ARFGEF2: variants seen among roughly 807,000 people sequenced by gnomAD.
ARFGEF2 encodes the protein ARF guanine nucleotide exchange factor 2, also known as brefeldin A-inhibited guanine nucleotide-exchange protein 2.
Under a neutral mutation model 219.9 loss-of-function variants are expected in ARFGEF2, and 74 were observed. That is an observed-to-expected ratio of 0.34 (90% CI 0.28 to 0.41). The LOEUF is 0.41. Among genes scored for constraint, ARFGEF2 ranks in the 10% least tolerant of loss-of-function variants. ARFGEF2 has a pLI of 1.00. For synonymous variants in ARFGEF2, 733 were observed against 799.2 expected (o/e 0.92, Z 1.40); for missense variants, 1,743 against 2,218.3 (o/e 0.79, Z 4.30).
chr20:49,007,616 T>TA (rs1014392529), intron 26 of ARFGEF2, among the ~76,000 whole-genome samples: 8 of 147,744 alleles, frequency 5.4e-5, no homozygotes, highest in African/African-American at 2.0e-4. Flanking sequence ...TTTTTTTTTT[T>TA]AAGAAAATGG....
Position 48,985,684 on chromosome 20 carries a change from T to C in ARFGEF2, c.2276+71T>C, listed in dbSNP as rs114778274. On this transcript the variant is annotated intron_variant, in intron 16 of 38. Transcript: ENST00000371917. ...CTCAGAACGCTAATTCTAATTTGGT[T>C]GGGGTTTAATCTTTGTATATCTGTG... is the stretch of plus-strand genomic sequence containing the variant. 202 of 1,515,092 alleles carry C rather than the reference T, an allele frequency of 1.3e-4. No individual in the cohort carries two copies. In the African/African-American group the frequency reaches 2.4e-3, roughly 18 times the overall value. 93.9% of individuals were successfully genotyped at this position (1,515,092 alleles called of 1,614,324 possible).
In ARFGEF2 at chr20:48,970,287, C is replaced by T. The variant is rs191653097; in HGVS notation, c.1191-833C>T. 3.3e-3 allele frequency among the ~76,000 whole-genome samples: 493 copies of T among 147,796 alleles called. 5 individuals are homozygous for T. Among genetic ancestry groups the T allele is most frequent in the Middle Eastern group, 0.016 (4 of 252 alleles). Reference sequence around the variant, plus strand: ...CTGAGATCGTGTCACTGAACTCTAGCCTGGGCAACAGAGCAACAATAAATT... The same window carrying T: ...CTGAGATCGTGTCACTGAACTCTAGTCTGGGCAACAGAGCAACAATAAATT... On this transcript the variant is annotated intron_variant, in intron 9 of 38. Coordinates refer to ENST00000371917, the MANE Select transcript of ARFGEF2 (RefSeq NM_006420.3).
intron 1 of ARFGEF2, among the ~76,000 whole-genome samples, chr20:48,938,980 GTTT>G (rs1381256978): frequency 7.5e-6 from 1 of 133,548 alleles, no homozygotes. Flanking sequence ...TTTTTTGTTT[GTTT>G]TTTTTTTTTT....
intron 3 of ARFGEF2, among the ~76,000 whole-genome samples, chr20:48,949,263 T>C (rs1156936307): frequency 6.6e-6 from 1 of 152,256 alleles, no homozygotes; most frequent in African/African-American, 2.4e-5. Flanking sequence ...TCCAGCCTGC[T>C]TTGTGGCATC....
intron 1 of ARFGEF2, among the ~76,000 whole-genome samples, chr20:48,940,927 G>A (rs1458339074): frequency 1.3e-5 from 2 of 152,172 alleles, no homozygotes; most frequent in Non-Finnish European, 2.9e-5. Context: ...TCCTCTAAAT[G>A]AGATGGATAT....
chr20:48,937,816 C>T (rs1254759899), intron 1 of ARFGEF2, among the ~76,000 whole-genome samples: 4 of 152,144 alleles, frequency 2.6e-5, no homozygotes, highest in African/African-American at 9.7e-5. Context: ...ATTCCAAAAC[C>T]AGGTTTTACC....
At chr20:48,925,553 T>C (rs746860611) in intron 1 of ARFGEF2, among the ~76,000 whole-genome samples, 1 of 152,194 alleles carries the variant, frequency 6.6e-6, no homozygotes, top group African/African-American at 2.4e-5. Flanking sequence ...AATTTATCTA[T>C]GGCTGGGCAC....
At chr20:48,933,896 T>A (rs1263499765) in intron 1 of ARFGEF2, among the ~76,000 whole-genome samples, 2 of 151,940 alleles carry the variant, frequency 1.3e-5, no homozygotes, top group African/African-American at 4.8e-5. Context: ...GAGGCGGGTG[T>A]GTCACCTGGG....
chr20:48,953,020 C>T, intron 5 of ARFGEF2, 136 bp downstream of exon 5: 3 of 932,940 alleles, frequency 3.2e-6, no homozygotes, highest in Non-Finnish European at 5.0e-6. Flanking sequence ...CTGTACTGTG[C>T]TTTTGTTCTT....
chr20:48,921,851 C>T lies in ARFGEF2; in HGVS notation c.-39C>T, dbSNP rs376690099. On this transcript the variant is annotated 5_prime_UTR_variant, in exon 1 of 39. Coordinates refer to ENST00000371917, the MANE Select transcript of ARFGEF2 (RefSeq NM_006420.3). ...CTAGCTCGCCATCTCGCTCACGCCG[C>T]CCGCCCGCGGGGCCGTCAGCCCCCG... 2.5e-4 allele frequency: 370 copies of T among 1,498,202 alleles called. 2 individuals carry two copies. The East Asian group carries it at 3.8e-3, about 15-fold the overall frequency. 92.8% of individuals were successfully genotyped at this position (1,498,202 alleles called of 1,614,324 possible). A position where few individuals can be genotyped will look rare whatever the true frequency, so the allele number is the denominator to read the frequency against.
At chr20:48,969,458 T>C (rs888721673) in intron 9 of ARFGEF2, among the ~76,000 whole-genome samples, 181 bp downstream of exon 9, 1 of 152,266 alleles carries the variant, frequency 6.6e-6, no homozygotes, top group Admixed American at 6.5e-5. Flanking sequence ...TCATATGGAA[T>C]TGTCTCTGTA....
At chr20:48,989,084 T>G (rs896307875) in intron 18 of ARFGEF2, among the ~76,000 whole-genome samples, 6 of 152,118 alleles carry the variant, frequency 3.9e-5, no homozygotes, top group African/African-American at 1.4e-4. Flanking sequence ...ACTTAGTAAT[T>G]GTATGACCCT....
intron 3 of ARFGEF2, among the ~76,000 whole-genome samples, chr20:48,948,536 G>C (rs2091044084): frequency 6.6e-6 from 1 of 152,164 alleles, no homozygotes; most frequent in Admixed American, 6.5e-5. Context: ...TGAGGTAGAA[G>C]ACTTAATTTG....
intron 4 of ARFGEF2, among the ~76,000 whole-genome samples, chr20:48,951,689 A>G (rs2091071981): frequency 6.6e-6 from 1 of 152,234 alleles, no homozygotes; most frequent in Admixed American, 6.5e-5. Flanking sequence ...TAAACTGTTC[A>G]GCTAATAACA....
chr20:48,955,955 C>T (rs192159171), intron 6 of ARFGEF2, among the ~76,000 whole-genome samples: 25 of 152,266 alleles, frequency 1.6e-4, no homozygotes, highest in Non-Finnish European at 1.8e-4. Context: ...ATAAACACCC[C>T]ATCTCTAAAT....
At chr20:49,013,773 T>C (rs537787932) in intron 29 of ARFGEF2, 58 bp from the exon 30 acceptor site, 1 of 1,614,060 alleles carries the variant, frequency 6.2e-7, no homozygotes, top group East Asian at 2.2e-5. Context: ...CCCACTCTCT[T>C]CTCTGTTGTT....
At chr20:49,014,623 A>G (rs1011717638) in intron 30 of ARFGEF2, among the ~76,000 whole-genome samples, 4 of 152,194 alleles carry the variant, frequency 2.6e-5, no homozygotes, top group African/African-American at 9.6e-5. Flanking sequence ...CATCTTCTAC[A>G]TGGTTTAAAT....
At chr20:49,027,658 T>C (rs2091611419) in intron 36 of ARFGEF2, among the ~76,000 whole-genome samples, 1 of 151,970 alleles carries the variant, frequency 6.6e-6, no homozygotes, top group Non-Finnish European at 1.5e-5. Flanking sequence ...ATTGTGTCAC[T>C]GCACTCCAGC....
At chr20:48,929,925 T>C (rs1251422477) in intron 1 of ARFGEF2, among the ~76,000 whole-genome samples, 2 of 152,186 alleles carry the variant, frequency 1.3e-5, no homozygotes, top group Non-Finnish European at 2.9e-5. Flanking sequence ...GAGATGACAC[T>C]GAAGAGTTTT....
Sources: allele counts gnomAD v4.1 joint callset (sites outside exome capture counted in the v4.1 genomes callset), GRCh38; gene constraint gnomAD v4.1.1; transcripts MANE v1.5; gene names NCBI Gene and HGNC (gene_info 2026-07-23, HGNC 2026-07-21).